The following PLPPR4 variants were observed in gnomAD, a reference collection of about 807,000 sequenced individuals.
PLPPR4 encodes phospholipid phosphatase-related protein type 4.
In PLPPR4, 24 loss-of-function variants were observed where a neutral mutation model predicts 56.6. That is an observed-to-expected ratio of 0.42 (90% CI 0.31 to 0.60). PLPPR4 has a LOEUF of 0.60. Among genes scored for constraint, PLPPR4 ranks in the 20% least tolerant of loss-of-function variants. The pLI is 0.13. For missense variants in PLPPR4, 654 were observed against 885.8 expected (o/e 0.74, Z 3.32); for synonymous variants, 326 against 328.1 (o/e 0.99, Z 0.07).
chr1:99,264,575 AC>A lies in PLPPR4; in HGVS notation c.-16del. 1.3e-6 allele frequency: 2 copies of A among 1,550,896 alleles called. No individual in the cohort carries two copies. Among genetic ancestry groups the A allele is most frequent in the Non-Finnish European group, 1.7e-6 (2 of 1,147,040 alleles). On this transcript the variant is annotated 5_prime_UTR_variant, in exon 1 of 7. Transcript: ENST00000370185. Reference sequence around the variant, plus strand: ...ACACCTCGCCCGGGGGAGGACGCAGACCCGGGCAGGCGGCAGGGATGTCGGC... The same window carrying A: ...ACACCTCGCCCGGGGGAGGACGCAGACCGGGCAGGCGGCAGGGATGTCGGC...
At chr1:99,294,962 G>C (rs1659707560) in intron 2 of PLPPR4, among the ~76,000 whole-genome samples, 1 of 152,114 alleles carries the variant, frequency 6.6e-6, no homozygotes, top group Non-Finnish European at 1.5e-5. Flanking sequence ...TAATTTTCTG[G>C]AAATGATGAA....
chr1:99,296,046 G>A (rs1033320934), intron 2 of PLPPR4, among the ~76,000 whole-genome samples: 2 of 152,122 alleles, frequency 1.3e-5, no homozygotes, highest in African/African-American at 4.8e-5. Flanking sequence ...AAATCCTGCA[G>A]CAAAGTGCCA....
rs1219944955 is a variant in PLPPR4, at chr1:99,308,298, A to G, written c.*1288A>G. The G allele has an allele frequency of 6.6e-6, 1 of 152,230 alleles. No individual in the cohort carries two copies. The highest frequency in any genetic ancestry group is 2.4e-5 in the African/African-American group (1 of 41,460). The allele number at this position is 152,230 out of a possible 1,614,324, so 9.4% of individuals were successfully genotyped here. ...GTAAAAGTATCTCACGGTACAAATT[A>G]AGAATGACTTTCTTCAAAATATCTG... On this transcript the variant is annotated 3_prime_UTR_variant, in exon 7 of 7. Transcript: ENST00000370185.
At chr1:99,266,992 T>C (rs1326503604) in intron 1 of PLPPR4, among the ~76,000 whole-genome samples, 7 of 152,262 alleles carry the variant, frequency 4.6e-5, no homozygotes, top group Admixed American at 6.5e-5. Context: ...CTTTACAGCA[T>C]AGTTTCCCAA....
rs1660103080 is a variant in PLPPR4, at chr1:99,308,459, C to T, written c.*1449C>T. On this transcript the variant is annotated 3_prime_UTR_variant, in exon 7 of 7. Transcript: ENST00000370185. ...AAAACAAAATATTTTGGAGTGTTTT[C>T]CAACTTAAAGTATGAAGACATACTC... The T allele has an allele frequency of 6.6e-6, 1 of 152,476 alleles. No individual in the cohort carries two copies. The highest frequency in any genetic ancestry group is 2.4e-5 in the African/African-American group (1 of 41,418). The allele number at this position is 152,476 out of a possible 1,614,324, so 9.4% of individuals were successfully genotyped here.
intron 2 of PLPPR4, among the ~76,000 whole-genome samples, chr1:99,288,632 C>A (rs938351813): frequency 6.6e-6 from 1 of 151,998 alleles, no homozygotes; most frequent in African/African-American, 2.4e-5. Context: ...TATAAAAACT[C>A]ATTCCAGCCA....
intron 1 of PLPPR4, among the ~76,000 whole-genome samples, chr1:99,268,953 TTCTGG>T (rs1658979072): frequency 6.6e-6 from 1 of 152,160 alleles, no homozygotes; most frequent in East Asian, 1.9e-4. Context: ...ATACTTTAAG[TTCTGG>T]GGTACATGTG....
chr1:99,287,572 A>G (rs1278940192), intron 1 of PLPPR4, among the ~76,000 whole-genome samples: 2 of 152,116 alleles, frequency 1.3e-5, no homozygotes, highest in East Asian at 3.9e-4. Flanking sequence ...TGACTTTTTA[A>G]TAATTGCCAT....
intron 1 of PLPPR4, among the ~76,000 whole-genome samples, chr1:99,281,097 A>G (rs1018620407): frequency 6.6e-6 from 1 of 152,158 alleles, no homozygotes; most frequent in African/African-American, 2.4e-5. Flanking sequence ...GAAATGAGAG[A>G]AATGATTCTT....
At chr1:99,291,080 C>G (rs114944606) in intron 2 of PLPPR4, among the ~76,000 whole-genome samples, 5,922 of 150,898 alleles carry the variant, frequency 0.039, 189 homozygotes, top group Admixed American at 0.092. Flanking sequence ...TTGTAAGAAA[C>G]TTAAACAAAT....
chr1:99,299,784 G>T (rs1659837001), intron 4 of PLPPR4, among the ~76,000 whole-genome samples: 1 of 151,842 alleles, frequency 6.6e-6, no homozygotes, highest in South Asian at 2.1e-4. Flanking sequence ...GGTGTGCATA[G>T]CTTCTGGCCT....
intron 1 of PLPPR4, among the ~76,000 whole-genome samples, chr1:99,281,474 T>C (rs1168906917): frequency 4.6e-5 from 7 of 152,196 alleles, no homozygotes; most frequent in Admixed American, 1.3e-4. Flanking sequence ...TTGAAGTTCT[T>C]TGCAGCCAAT....
chr1:99,286,676 G>T (rs1659470918), intron 1 of PLPPR4, among the ~76,000 whole-genome samples: 1 of 152,142 alleles, frequency 6.6e-6, no homozygotes, highest in Admixed American at 6.5e-5. Context: ...AGAAGAAACA[G>T]CAAGCACAAA....
intron 1 of PLPPR4, among the ~76,000 whole-genome samples, chr1:99,282,729 T>C (rs11166211): frequency 0.057 from 8,595 of 151,946 alleles, 403 homozygotes; most frequent in East Asian, 0.17. Context: ...TCTACCTCTC[T>C]GACTTCATTT....
intron 2 of PLPPR4, among the ~76,000 whole-genome samples, chr1:99,294,182 T>C (rs1280890012): frequency 6.6e-6 from 1 of 151,922 alleles, no homozygotes; most frequent in Non-Finnish European, 1.5e-5. Context: ...CCTATCTTTA[T>C]GCCAAATTGA....
At chr1:99,293,259 AT>A (rs1272554981) in intron 2 of PLPPR4, among the ~76,000 whole-genome samples, 2 of 152,158 alleles carry the variant, frequency 1.3e-5, no homozygotes, top group Non-Finnish European at 2.9e-5. Context: ...TGCTTCCCAG[AT>A]TTTTTTAATG....
chr1:99,271,215 T>C (rs1446614284), intron 1 of PLPPR4, among the ~76,000 whole-genome samples: 1 of 152,250 alleles, frequency 6.6e-6, no homozygotes, highest in African/African-American at 2.4e-5. Context: ...GCAGACTCTC[T>C]AGATACATTA....
At chr1:99,276,639 AAC>A (rs1462672616) in intron 1 of PLPPR4, among the ~76,000 whole-genome samples, 1 of 152,138 alleles carries the variant, frequency 6.6e-6, no homozygotes, top group Non-Finnish European at 1.5e-5. Flanking sequence ...TTAAAAGATA[AAC>A]ACAAAAAATA....
chr1:99,283,394 T>C (rs954415782), intron 1 of PLPPR4, among the ~76,000 whole-genome samples: 1 of 152,336 alleles, frequency 6.6e-6, no homozygotes, highest in African/African-American at 2.4e-5. Context: ...AATATCATGA[T>C]AGTTTTGATA....
Sources: allele counts gnomAD v4.1 joint callset (sites outside exome capture counted in the v4.1 genomes callset), GRCh38; gene constraint gnomAD v4.1.1; transcripts MANE v1.5; gene names NCBI Gene and HGNC (gene_info 2026-07-23, HGNC 2026-07-21).